The following BICRA variants were observed in gnomAD, a reference collection of about 807,000 sequenced individuals.
The protein encoded by BICRA is BRD4 interacting chromatin remodeling complex associated protein.
A neutral mutation model predicts 96.9 loss-of-function variants in BICRA; 31 were observed. The ratio of observed to expected loss-of-function variants is 0.32; its 90% CI spans 0.24 to 0.43. The LOEUF is 0.43. Among genes scored for constraint, BICRA ranks in the 20% least tolerant of loss-of-function variants. The probability of loss-of-function intolerance (pLI) is 1.00; values close to 1 mark genes in which losing one functional copy is unlikely to be tolerated. For missense variants in BICRA, 2,283 were observed against 2,190.3 expected (o/e 1.04, Z -0.84); for synonymous variants, 1,350 against 1,071.8 (o/e 1.26, Z -5.07).
At chr19:47,609,847 T>C (rs62128734) in intron 1 of BICRA, among the ~76,000 whole-genome samples, 131,235 of 152,022 alleles carry the variant, frequency 0.86, 56,818 homozygotes, top group Middle Eastern at 0.9. Context: ...GCTCCCCCCT[T>C]CGCACCGCCC....
rs567899467 is a variant in BICRA at position 47,697,722 on chromosome 19, C to T, written c.3249-912C>T. Among the ~76,000 whole-genome samples the T allele has an allele frequency of 1.7e-4, 26 of 152,246 alleles. No individual in the cohort carries two copies. The South Asian group carries it at 2.7e-3, about 16-fold the overall frequency. On this transcript the variant is annotated intron_variant, in intron 11 of 14. Coordinates refer to ENST00000594866, the MANE Select transcript of BICRA (RefSeq NM_001394372.1). ...TGAACTTCTGGCCTCAGGTGACCCA[C>T]CCATCTCAGCCTCCCAAAGTGCTGG...
At chr19:47,610,076 C>A (rs1971877904) in intron 1 of BICRA, among the ~76,000 whole-genome samples, 1 of 152,196 alleles carries the variant, frequency 6.6e-6, no homozygotes, top group Non-Finnish European at 1.5e-5. Flanking sequence ...GCACCGCGCT[C>A]GGGTGGTGAC....
Position 47,699,415 on chromosome 19 carries a change from G to C in BICRA, c.3595+10G>C. ...GCCAAGGAGAAGCCGGGTGAGAGGG[G>C]GGAGTGAGAGGGGAGGGGAGGGAGA... is the stretch of plus-strand genomic sequence containing the variant. On this transcript the variant is annotated intron_variant, in intron 14 of 14. Transcript: ENST00000594866. The surrounding 1 kb of genome is among the most constrained non-coding windows in gnomAD (Gnocchi z 5.0). 1 of 1,461,914 alleles carries C rather than the reference G, an allele frequency of 6.8e-7. No homozygotes were observed. Among genetic ancestry groups the C allele is most frequent in the Non-Finnish European group, 9.4e-7 (1 of 1,064,434 alleles). The allele number at this position is 1,461,914 out of a possible 1,614,324, so 90.6% of individuals were successfully genotyped here.
rs140740614 is a variant in BICRA, at chr19:47,610,979, C to G, written c.-108+1811C>G. On this transcript the variant is annotated intron_variant, in intron 1 of 14. Coordinates refer to ENST00000594866, the MANE Select transcript of BICRA (RefSeq NM_001394372.1). ...AATATCAAACTAGGGAGCTTTATTC[C>G]GCTGCTGCTAAGTACATTACACGCT... Among the ~76,000 whole-genome samples, 4 of 152,248 alleles carry G rather than the reference C, an allele frequency of 2.6e-5. No homozygotes were observed. In the East Asian group the frequency reaches 7.7e-4, roughly 29 times the overall value.
chr19:47,682,498 G>A (rs544562823), intron 7 of BICRA, among the ~76,000 whole-genome samples: 10 of 152,278 alleles, frequency 6.6e-5, no homozygotes, highest in East Asian at 1.9e-4. Context: ...CTCCTGAACC[G>A]TGGCCTCCTG....
chr19:47,610,526 G>A (rs1242360871), intron 1 of BICRA, among the ~76,000 whole-genome samples: 1 of 152,100 alleles, frequency 6.6e-6, no homozygotes, highest in African/African-American at 2.4e-5. Flanking sequence ...CCAGGTGACA[G>A]GTCCTAGCTC....
intron 7 of BICRA, among the ~76,000 whole-genome samples, chr19:47,691,750 G>A (rs992433320): frequency 2.0e-5 from 3 of 151,986 alleles, no homozygotes; most frequent in African/African-American, 7.2e-5. Context: ...TAGTACAGAT[G>A]GGGTTTCACC....
intron 1 of BICRA, among the ~76,000 whole-genome samples, chr19:47,646,322 C>G (rs1972458415): frequency 6.6e-6 from 1 of 152,146 alleles, no homozygotes; most frequent in Non-Finnish European, 1.5e-5. Context: ...GGAAACTTCC[C>G]TATGTCTCCA....
chr19:47,691,770 A>C (rs1973244244), intron 7 of BICRA, among the ~76,000 whole-genome samples: 1 of 152,158 alleles, frequency 6.6e-6, no homozygotes. Flanking sequence ...CATGTTGACT[A>C]GGCTGGTCTC....
At chr19:47,641,851 C>T (rs535146293) in intron 1 of BICRA, among the ~76,000 whole-genome samples, 49 of 152,086 alleles carry the variant, frequency 3.2e-4, no homozygotes, top group African/African-American at 1.1e-3. Context: ...GATATCTTTC[C>T]ATTTATTTGT....
rs1555791898 is a variant in BICRA at position 47,701,775 on chromosome 19, G to GGCC, written c.4047_4049dup (p.Pro1355dup). On this transcript the variant is annotated inframe_insertion, in exon 15 of 15. Coordinates refer to ENST00000594866, the MANE Select transcript of BICRA (RefSeq NM_001394372.1). The surrounding 1 kb of genome is among the most constrained non-coding windows in gnomAD (Gnocchi z 5.4). ...CTCAAGGTGGCCGAGCCCCCGCCAC[G>GGCC]GCCGCCACCACCACCGCCGCCCACG... 28 of 1,528,032 alleles carry GGCC rather than the reference G, an allele frequency of 1.8e-5. No individual in the cohort carries two copies. The South Asian group carries it at 3.0e-4, about 16-fold the overall frequency. 94.7% of individuals were successfully genotyped at this position (1,528,032 alleles called of 1,614,324 possible). A position where few individuals can be genotyped will look rare whatever the true frequency, so the allele number is the denominator to read the frequency against.
At chr19:47,667,823 C>G (rs1448927757) in intron 1 of BICRA, among the ~76,000 whole-genome samples, 2 of 152,212 alleles carry the variant, frequency 1.3e-5, no homozygotes, top group Non-Finnish European at 2.9e-5. Context: ...GCGATAGTGC[C>G]TGAACATTCT....
chr19:47,667,463 C>T (rs1972799767), intron 1 of BICRA, among the ~76,000 whole-genome samples: 1 of 152,162 alleles, frequency 6.6e-6, no homozygotes, highest in African/African-American at 2.4e-5. Flanking sequence ...GTCTCTAATT[C>T]TGCTGGTAGG....
chr19:47,694,279 G>T lies in BICRA; in HGVS notation c.2448G>T (p.Glu816Asp). Residue 816 changes from glutamate (E) to aspartate (D), a missense_variant, in exon 8 of 15, where the codon GAG (glutamate) becomes GAT (aspartate). Physicochemically the swap from Glu to Asp is conservative, Grantham distance 45. Transcript: ENST00000594866. The stretch of plus-strand genomic sequence containing the variant: ...AGAGTGTGTCCCGCCCTCCCTCAGA[G>T]CCACCCTTGCACCCTTGCCCCCCAC... Reference protein sequence around the residue: ...RPQSVSRPPSEPPLHPCPPPQ... With the variant: ...RPQSVSRPPSDPPLHPCPPPQ... 1 of 586,580 alleles carries T rather than the reference G, an allele frequency of 1.7e-6. No individual in the cohort carries two copies. The allele number at this position is 586,580 out of a possible 1,614,324, so 36.3% of individuals were successfully genotyped here.
intron 1 of BICRA, among the ~76,000 whole-genome samples, chr19:47,665,017 T>A (rs1395369720): frequency 6.6e-6 from 1 of 151,996 alleles, no homozygotes; most frequent in African/African-American, 2.4e-5. Context: ...CATACTAGTT[T>A]TCAACCCCCA....
rs1298218164 is a variant in BICRA at position 47,694,380 on chromosome 19, C to T, written c.2549C>T (p.Pro850Leu). 11 of 1,234,750 alleles carry T rather than the reference C, an allele frequency of 8.9e-6. No individual in the cohort carries two copies. The highest frequency in any genetic ancestry group is 1.5e-5 in the African/African-American group (1 of 65,928). 76.5% of individuals were successfully genotyped at this position (1,234,750 alleles called of 1,614,324 possible). A position where few individuals can be genotyped will look rare whatever the true frequency, so the allele number is the denominator to read the frequency against. The change falls in exon 8 of 15, where the codon CCG (proline) becomes CTG (leucine). Residue 850 changes from proline to leucine, a missense_variant. Transcript: ENST00000594866. ...QLGVPPPASN[P>L]APTAPGPPQP... Reference sequence around the variant, plus strand: ...GGCGTTCCCCCGCCTGCCAGCAACCCGGCCCCTACTGCCCCAGGCCCGCCG... The same window carrying T: ...GGCGTTCCCCCGCCTGCCAGCAACCTGGCCCCTACTGCCCCAGGCCCGCCG...
chr19:47,643,540 C>T (rs1972414137), intron 1 of BICRA, among the ~76,000 whole-genome samples: 1 of 152,176 alleles, frequency 6.6e-6, no homozygotes, highest in South Asian at 2.1e-4. Context: ...CCTGGGGTCC[C>T]TGGCATTAGG....
Position 47,673,607 on chromosome 19 carries a change from C to T in BICRA, c.33C>T (p.Asp11=), listed in dbSNP as rs1201905676. 2.5e-6 allele frequency: 4 copies of T among 1,611,988 alleles called. No individual in the cohort carries two copies. The highest frequency in any genetic ancestry group is 2.2e-5 in the East Asian group (1 of 44,864). Residue 11 remains aspartate (D), a synonymous_variant, in exon 3 of 15, where the codon GAC becomes GAT. Coordinates refer to ENST00000594866, the MANE Select transcript of BICRA (RefSeq NM_001394372.1). MDDEDGRCLL[D]VICDPQALND... ...ATGAGGATGGGAGATGCTTACTAGA[C>T]GTGATTTGGTGAGTAACGGGCTCCC...
chr19:47,682,251 G>C, intron 7 of BICRA, 99 bp downstream of exon 7: 1 of 599,334 alleles, frequency 1.7e-6, no homozygotes. Flanking sequence ...CTGCGTCTCT[G>C]TTCTGCTGAC....
Sources: gnomAD v4.1 joint callset for allele counts (sites outside exome capture counted in the v4.1 genomes callset) on GRCh38, gnomAD v4.1.1 for gene constraint, Gnocchi (gnomAD v3.1) non-coding constraint, MANE v1.5 for transcripts, NCBI Gene and HGNC (gene_info 2026-07-23, HGNC 2026-07-21) for gene names.